The following ANKRD44 variants were observed in gnomAD, a reference collection of about 807,000 sequenced individuals.
The protein encoded by ANKRD44 is serine/threonine-protein phosphatase 6 regulatory ankyrin repeat subunit B.
In ANKRD44, 35 loss-of-function variants were observed where a neutral mutation model predicts 116.0. That is an observed-to-expected ratio of 0.30 (90% CI 0.23 to 0.40). The LOEUF is 0.40. Ranked by LOEUF, ANKRD44 falls within the 10% of genes least tolerant of loss-of-function variation. The pLI is 1.00. For missense variants in ANKRD44, 1,014 were observed against 1,242.6 expected, an observed-to-expected ratio of 0.82 and a Z score of 2.77; for synonymous variants, 435 against 461.8, an observed-to-expected ratio of 0.94 and a Z score of 0.74.
At position 197,146,965 on chromosome 2, in the gene ANKRD44, C is replaced by A. The variant is rs2079520684; in HGVS notation, c.190+62G>T. The A allele has an allele frequency of 4.8e-6, 7 of 1,468,154 alleles. No homozygotes were observed. In the South Asian group the frequency reaches 8.3e-5, roughly 17 times the overall value. 90.9% of individuals were successfully genotyped at this position (1,468,154 alleles called of 1,614,324 possible). On this transcript the variant is annotated intron_variant, in intron 3 of 27. Coordinates refer to ENST00000282272, the MANE Select transcript of ANKRD44 (RefSeq NM_001195144.2). The stretch of plus-strand genomic sequence containing the variant: ...GCTTGGGTTCACTGTAGTAGTCAAT[C>A]TAGTAAATTGGTTATTTAAATTTTT...
intron 21 of ANKRD44, among the ~76,000 whole-genome samples, chr2:196,978,213 C>A (rs2075773735): frequency 6.6e-6 from 1 of 152,040 alleles, no homozygotes; most frequent in East Asian, 1.9e-4. Flanking sequence ...TGAGTGTGTT[C>A]TTGCTCTGAG....
At chr2:197,224,708 T>A (rs1359624759) in intron 1 of ANKRD44, among the ~76,000 whole-genome samples, 1 of 152,200 alleles carries the variant, frequency 6.6e-6, no homozygotes, top group Admixed American at 6.5e-5. Context: ...TTAAGCCCCA[T>A]AGGATTTAAA....
chr2:197,066,721 T>C (rs987734248), intron 16 of ANKRD44, among the ~76,000 whole-genome samples: 1 of 152,118 alleles, frequency 6.6e-6, no homozygotes, highest in African/African-American at 2.4e-5. Context: ...GAATCCAACT[T>C]ACAAGGGATG....
intron 16 of ANKRD44, among the ~76,000 whole-genome samples, chr2:197,074,680 T>C (rs1021168856): frequency 6.6e-6 from 1 of 152,160 alleles, no homozygotes; most frequent in Admixed American, 6.6e-5. Context: ...GGTCTTGCTA[T>C]GTTGCCCAGG....
chr2:197,271,840 G>A (rs935579435), intron 1 of ANKRD44, among the ~76,000 whole-genome samples: 1 of 152,120 alleles, frequency 6.6e-6, no homozygotes, highest in African/African-American at 2.4e-5. Context: ...GGGCTCAAGC[G>A]ATCTGCCTGC....
chr2:197,008,552 AGGCATCT>A (rs1359393578), intron 19 of ANKRD44, among the ~76,000 whole-genome samples: 2 of 152,246 alleles, frequency 1.3e-5, no homozygotes, highest in Non-Finnish European at 2.9e-5. Context: ...GAGGAAGAAA[AGGCATCT>A]GAAGGATTTT....
chr2:197,111,764 A>G (rs555043893), intron 8 of ANKRD44, among the ~76,000 whole-genome samples: 1 of 151,884 alleles, frequency 6.6e-6, no homozygotes, highest in East Asian at 1.9e-4. Flanking sequence ...AAACAAAAGA[A>G]TAAAGAAAAA....
chr2:197,193,981 A>G (rs931610028), intron 1 of ANKRD44, among the ~76,000 whole-genome samples: 1 of 152,252 alleles, frequency 6.6e-6, no homozygotes, highest in African/African-American at 2.4e-5. Context: ...CAATAAAAAC[A>G]GGGATGATTG....
At chr2:197,298,066 T>C (rs2083776526) in intron 1 of ANKRD44, among the ~76,000 whole-genome samples, 1 of 152,208 alleles carries the variant, frequency 6.6e-6, no homozygotes, top group Admixed American at 6.5e-5. Context: ...AAGGAAGATA[T>C]TTCAGCATGT....
chr2:197,024,299 G>A (rs900776409), intron 17 of ANKRD44, among the ~76,000 whole-genome samples: 16 of 152,162 alleles, frequency 1.1e-4, no homozygotes, highest in African/African-American at 3.9e-4. Context: ...TCTTCCTGGT[G>A]TCCTGCCCCT....
chr2:197,022,628 C>A (rs1462949235), intron 17 of ANKRD44, among the ~76,000 whole-genome samples: 2 of 152,116 alleles, frequency 1.3e-5, no homozygotes, highest in Non-Finnish European at 2.9e-5. Flanking sequence ...CACTTCTGCC[C>A]AAAACACTCC....
intron 16 of ANKRD44, among the ~76,000 whole-genome samples, chr2:197,072,046 AGAAGGAAGGAAGGAAGGAAG>A (rs60306279): frequency 0.042 from 4,650 of 111,282 alleles, 283 homozygotes; most frequent in African/African-American, 0.13. Flanking sequence ...GAGGGAGGAA[AGAAGGAAGGAAGGAAGGAAG>A]GAAGGAAGGA....
chr2:197,250,653 C>T (rs2082295113), intron 1 of ANKRD44, among the ~76,000 whole-genome samples: 1 of 152,202 alleles, frequency 6.6e-6, no homozygotes, highest in Non-Finnish European at 1.5e-5. Context: ...TGTGCATTCT[C>T]TCATTTAATT....
At chr2:197,281,558 G>A (rs147977812) in intron 1 of ANKRD44, among the ~76,000 whole-genome samples, 196 of 152,196 alleles carry the variant, frequency 1.3e-3, no homozygotes, top group African/African-American at 4.5e-3. Context: ...TTTTGGGCCT[G>A]GTAATTTACA....
chr2:197,098,674 TATC>T (rs1162355235), intron 10 of ANKRD44, among the ~76,000 whole-genome samples: 6 of 152,212 alleles, frequency 3.9e-5, no homozygotes, highest in Admixed American at 3.9e-4. Flanking sequence ...TAACATGCGT[TATC>T]TTTTTAATAA....
chr2:197,310,347 G>C (rs1336409866), intron 1 of ANKRD44, among the ~76,000 whole-genome samples: 2 of 144,582 alleles, frequency 1.4e-5, no homozygotes, highest in Non-Finnish European at 1.5e-5. Flanking sequence ...AGCGCCCACG[G>C]GCCCTGCCCC....
At chr2:196,995,565 T>C (rs1183314794) in intron 25 of ANKRD44, 104 bp from the exon 26 acceptor site, 2 of 852,742 alleles carry the variant, frequency 2.3e-6, no homozygotes, top group Non-Finnish European at 3.6e-6. Flanking sequence ...GTCGTCTGCC[T>C]AAGAACATTC....
At chr2:197,058,821 G>A (rs1395566778) in intron 16 of ANKRD44, among the ~76,000 whole-genome samples, 1 of 152,168 alleles carries the variant, frequency 6.6e-6, no homozygotes, top group East Asian at 1.9e-4. Context: ...ACTGCATTAT[G>A]TGACAGGCAC....
rs1263801134 is a variant in ANKRD44 at position 197,121,397 on chromosome 2, C to A, written c.841G>T (p.Ala281Ser). Residue 281 changes from alanine (A) to serine (S), a missense_variant, in exon 8 of 28, where the codon GCC (alanine) becomes TCC (serine). Ala to Ser is a moderately conservative substitution (Grantham distance 99, BLOSUM62 1). Transcript: ENST00000282272. ...AGACACAAAGCACCATGAGTGGAGG[C>A]AGCAGCAAAATGCAAAGGGGTGAAC... The part of the protein sequence containing the change: ...NGFTPLHFAA[A>S]STHGALCLEL... The A allele has an allele frequency of 2.5e-6, 4 of 1,614,050 alleles. No individual in the cohort carries two copies. The highest frequency in any genetic ancestry group is 1.3e-5 in the African/African-American group (1 of 74,904).
Sources: allele counts gnomAD v4.1 joint callset (sites outside exome capture counted in the v4.1 genomes callset), GRCh38; gene constraint gnomAD v4.1.1; transcripts MANE v1.5; gene names NCBI Gene and HGNC (gene_info 2026-07-23, HGNC 2026-07-21).